SRM: variants seen among roughly 807,000 people sequenced by gnomAD.
The protein encoded by SRM is putrescine aminopropyltransferase.
In SRM, 14 loss-of-function variants were observed where a neutral mutation model predicts 39.3. That is an observed-to-expected ratio of 0.36 (90% CI 0.24 to 0.56). SRM has a LOEUF of 0.56. SRM is among the 20% of genes least tolerant of loss of function. The probability of loss-of-function intolerance (pLI) is 0.86; values close to 1 mark genes in which losing one functional copy is unlikely to be tolerated. For synonymous variants in SRM, 195 were observed against 173.1 expected, an observed-to-expected ratio of 1.13 and a Z score of -0.99; for missense variants, 244 against 409.2, an observed-to-expected ratio of 0.60 and a Z score of 3.48.
At chr1:11,055,968 G>GCCCCC in intron 5 of SRM, 42 bp from the exon 6 acceptor site, 1 of 1,585,356 alleles carries the variant, frequency 6.3e-7, no homozygotes, top group Non-Finnish European at 8.6e-7. Context: ...GGCCTGCCCT[G>GCCCCC]CCCCACCCCG....
intron 6 of SRM, 35 bp from the exon 7 acceptor site, chr1:11,055,119 ACT>A: frequency 7.0e-7 from 1 of 1,438,748 alleles, no homozygotes; most frequent in Non-Finnish European, 9.0e-7. Context: ...CAGGGGGGGC[ACT>A]TTTTTTTTTT....
Position 11,054,770 on chromosome 1 carries a change from C to T in SRM, c.*95G>A. On this transcript the variant is annotated 3_prime_UTR_variant, in exon 8 of 8. Coordinates refer to ENST00000376957, the MANE Select transcript of SRM (RefSeq NM_003132.3). The surrounding 1 kb of genome is among the most constrained non-coding windows in gnomAD (Gnocchi z 4.8). ...GTAACACTTGGTTGGTGGGCGAGAGCCAGCAGGAGGTCCGGCCCGGGGCTG... is the reference window on the plus strand; with the variant it reads ...GTAACACTTGGTTGGTGGGCGAGAGTCAGCAGGAGGTCCGGCCCGGGGCTG... 1.3e-6 allele frequency: 2 copies of T among 1,489,024 alleles called. No homozygotes were observed. Among genetic ancestry groups the T allele is most frequent in the South Asian group, 2.7e-5 (2 of 73,408 alleles). The allele number at this position is 1,489,024 out of a possible 1,614,324, so 92.2% of individuals were successfully genotyped here. A position where few individuals can be genotyped will look rare whatever the true frequency, so the allele number is the denominator to read the frequency against.
chr1:11,058,825 G>A lies in SRM; in HGVS notation c.356C>T (p.Ser119Phe). ...REVVKHPSVE[S>F]VVQCEIDEDV... Reference sequence around the variant, plus strand: ...CTCGTCGATCTCACACTGGACCACGGACTCCACGGAGGGGTGCTTCACCAC... The same window carrying A: ...CTCGTCGATCTCACACTGGACCACGAACTCCACGGAGGGGTGCTTCACCAC... The change falls in exon 3 of 8, where the codon TCC (serine) becomes TTC (phenylalanine). Residue 119 changes from serine to phenylalanine, a missense_variant. Transcript: ENST00000376957. 5.6e-6 allele frequency: 9 copies of A among 1,611,654 alleles called. No individual in the cohort carries two copies. The highest frequency in any genetic ancestry group is 7.6e-6 in the Non-Finnish European group (9 of 1,179,528).
At chr1:11,058,616 G>T in intron 3 of SRM, 184 bp downstream of exon 3, 1 of 484,292 alleles carries the variant, frequency 2.1e-6, no homozygotes, top group Middle Eastern at 3.2e-4. Flanking sequence ...TCGCCACGCA[G>T]GTGCCCTCAC....
intron 6 of SRM, 30 bp downstream of exon 6, chr1:11,055,744 TCCCCCCA>T: frequency 7.5e-7 from 1 of 1,336,820 alleles, no homozygotes; most frequent in Non-Finnish European, 1.0e-6. Context: ...ATGCCCACCT[TCCCCCCA>T]ACCCCCACCC....
rs762870828 is a variant in SRM at position 11,059,418 on chromosome 1, G to A, written c.168-73C>T. 8.8e-6 allele frequency: 14 copies of A among 1,592,406 alleles called. No homozygotes were observed. The African/African-American group carries it at 1.6e-4, about 18-fold the overall frequency. On this transcript the variant is annotated intron_variant, in intron 1 of 7. Coordinates refer to ENST00000376957, the MANE Select transcript of SRM (RefSeq NM_003132.3). ...AAACGTACCCCAAGCCGCCCTGGGTGAGGAGGGTCTCCCCATCCCGCCTAG... is the reference window on the plus strand; with the variant it reads ...AAACGTACCCCAAGCCGCCCTGGGTAAGGAGGGTCTCCCCATCCCGCCTAG...
At position 11,056,761 on chromosome 1, in the gene SRM, G is replaced by C; in HGVS notation, c.382-4C>G. The C allele has an allele frequency of 6.2e-7, 1 of 1,614,110 alleles. No individual in the cohort carries two copies. The highest frequency in any genetic ancestry group is 8.5e-7 in the Non-Finnish European group (1 of 1,179,984). On this transcript the variant is annotated splice_region_variant and splice_polypyrimidine_tract_variant and intron_variant, in intron 3 of 7. Transcript: ENST00000376957. Reference sequence around the variant, plus strand: ...TCTTGGAGACTTGGATGACATCCTGGAGGGGATGGGAGGGACCAGTCTGGG... The same window carrying C: ...TCTTGGAGACTTGGATGACATCCTGCAGGGGATGGGAGGGACCAGTCTGGG...
rs553895474 is a variant in SRM, at chr1:11,059,761, C to A, written c.167+16G>T. ...GCTGAGCCTAGGGGGCAGGCGCCTGCGGGCAGCGGCGGTACCTGCGGAAGA... is the reference window on the plus strand; with the variant it reads ...GCTGAGCCTAGGGGGCAGGCGCCTGAGGGCAGCGGCGGTACCTGCGGAAGA... On this transcript the variant is annotated intron_variant, in intron 1 of 7. Transcript: ENST00000376957. 219 of 1,561,996 alleles carry A rather than the reference C, an allele frequency of 1.4e-4. 1 individual carries two copies. In the African/African-American group the frequency reaches 2.8e-3, roughly 20 times the overall value.
At chr1:11,057,642 C>T (rs998541802) in intron 3 of SRM, among the ~76,000 whole-genome samples, 3 of 146,944 alleles carry the variant, frequency 2.0e-5, no homozygotes, top group East Asian at 2.0e-4. Flanking sequence ...ACCTGCTTTT[C>T]ACTGAGGTCT....
intron 6 of SRM, 112 bp from the exon 7 acceptor site, chr1:11,055,196 C>T: frequency 2.9e-6 from 4 of 1,400,882 alleles, no homozygotes; most frequent in Non-Finnish European, 3.8e-6. Flanking sequence ...CAGCTCACTG[C>T]AACCTCTGTC....
Position 11,054,893 on chromosome 1 carries a change from G to A in SRM, c.889-8C>T. Reference sequence around the variant, plus strand: ...GCTCACATCATTCAGGGCCTGGAGGGACATGAGGCCAGTCAGGAGGGCGCT... The same window carrying A: ...GCTCACATCATTCAGGGCCTGGAGGAACATGAGGCCAGTCAGGAGGGCGCT... On this transcript the variant is annotated splice_polypyrimidine_tract_variant and splice_region_variant and intron_variant, in intron 7 of 7. Coordinates refer to ENST00000376957, the MANE Select transcript of SRM (RefSeq NM_003132.3). This position sits in a 1 kb window ranked among gnomAD's most constrained non-coding sequence, Gnocchi z 4.8. 2 of 1,611,238 alleles carry A rather than the reference G, an allele frequency of 1.2e-6. No homozygotes were observed. The highest frequency in any genetic ancestry group is 1.7e-6 in the Non-Finnish European group (2 of 1,179,478).
Position 11,055,992 on chromosome 1 carries a change from C to T in SRM, c.619+19G>A. ...TGCCCCACCCCGCCCCGCCCCAGTGCTCCAGGCCTGTGGCTCACCCTGGCA... is the reference window on the plus strand; with the variant it reads ...TGCCCCACCCCGCCCCGCCCCAGTGTTCCAGGCCTGTGGCTCACCCTGGCA... On this transcript the variant is annotated intron_variant, in intron 5 of 7. Transcript: ENST00000376957. The T allele has an allele frequency of 6.4e-7, 1 of 1,563,324 alleles. No individual in the cohort carries two copies. The highest frequency in any genetic ancestry group is 1.1e-5 in the South Asian group (1 of 88,872).
Position 11,054,663 on chromosome 1 carries a change from T to C in SRM, c.*202A>G. On this transcript the variant is annotated 3_prime_UTR_variant, in exon 8 of 8. Coordinates refer to ENST00000376957, the MANE Select transcript of SRM (RefSeq NM_003132.3). This position sits in a 1 kb window ranked among gnomAD's most constrained non-coding sequence, Gnocchi z 4.8. ...GAGATGGCGCTGTACACAGCTGGTA[T>C]AGGCTTGGAGGTGGAACGCCAGAGA... The C allele has an allele frequency of 1.4e-6, 1 of 698,010 alleles. No individual in the cohort carries two copies. The highest frequency in any genetic ancestry group is 2.3e-6 in the Non-Finnish European group (1 of 430,034). 43.2% of individuals were successfully genotyped at this position (698,010 alleles called of 1,614,324 possible). A position where few individuals can be genotyped will look rare whatever the true frequency, so the allele number is the denominator to read the frequency against.
intron 6 of SRM, among the ~76,000 whole-genome samples, chr1:11,055,549 G>C (rs1638858653): frequency 6.6e-6 from 1 of 152,158 alleles, no homozygotes; most frequent in East Asian, 1.9e-4. Context: ...CCAGCAGCTG[G>C]GACTACAGGC....
Position 11,059,977 on chromosome 1 carries a change from G to C in SRM, c.-34C>G. 1.0e-6 allele frequency: 1 copy of C among 967,040 alleles called. No homozygotes were observed. Among genetic ancestry groups the C allele is most frequent in the Non-Finnish European group, 1.2e-6 (1 of 815,230 alleles). 59.9% of individuals were successfully genotyped at this position (967,040 alleles called of 1,614,324 possible). A position where few individuals can be genotyped will look rare whatever the true frequency, so the allele number is the denominator to read the frequency against. On this transcript the variant is annotated 5_prime_UTR_variant, in exon 1 of 8. Transcript: ENST00000376957. ...GGCGGGCGGCGCGGGGCGCGGGCCC[G>C]GGACTGCAGGCCGCGCGGCGCCGCA... is the stretch of plus-strand genomic sequence containing the variant.
chr1:11,059,422 A>T (rs757322262), intron 1 of SRM, 77 bp from the exon 2 acceptor site: 1 of 1,589,276 alleles, frequency 6.3e-7, no homozygotes, highest in African/African-American at 1.3e-5. Context: ...CTGGGTGAGG[A>T]GGGTCTCCCC....
At chr1:11,055,750 C>T (rs1478610867) in intron 6 of SRM, 31 bp downstream of exon 6, 3 of 1,502,744 alleles carry the variant, frequency 2.0e-6, no homozygotes, top group African/African-American at 2.8e-5. Context: ...ACCTTCCCCC[C>T]AACCCCCACC....
At chr1:11,056,941 C>T (rs1050880994) in intron 3 of SRM, among the ~76,000 whole-genome samples, 184 bp from the exon 4 acceptor site, 1 of 150,326 alleles carries the variant, frequency 6.7e-6, no homozygotes, top group Non-Finnish European at 1.5e-5. Flanking sequence ...GCAGTGGCAT[C>T]GATCATGGCT....
chr1:11,056,122 AAC>A (rs1557682796), intron 4 of SRM, 28 bp from the exon 5 acceptor site: 1 of 1,583,882 alleles, frequency 6.3e-7, no homozygotes, highest in Non-Finnish European at 8.6e-7. Context: ...AGACACACTG[AAC>A]AGTCTGGCTG....
Sources: gnomAD v4.1 joint callset for allele counts (sites outside exome capture counted in the v4.1 genomes callset) on GRCh38, gnomAD v4.1.1 for gene constraint, Gnocchi (gnomAD v3.1) non-coding constraint, MANE v1.5 for transcripts, NCBI Gene and HGNC (gene_info 2026-07-23, HGNC 2026-07-21) for gene names.